Variants in AFF3 observed in about 807,000 individuals in gnomAD.
AFF3 encodes AF4/FMR2 family member 3.
In AFF3, 32 loss-of-function variants were observed where a neutral mutation model predicts 129.7. The ratio of observed to expected loss-of-function variants is 0.25; its 90% CI spans 0.19 to 0.33. The LOEUF (loss-of-function observed/expected upper bound fraction) is 0.33. Ranked by LOEUF, AFF3 falls within the 10% of genes least tolerant of loss-of-function variation. The probability of loss-of-function intolerance (pLI) is 1.00; values close to 1 mark genes in which losing one functional copy is unlikely to be tolerated. For synonymous variants in AFF3, 644 were observed against 635.4 expected, an observed-to-expected ratio of 1.01 and a Z score of -0.20; for missense variants, 1,373 against 1,592.0, an observed-to-expected ratio of 0.86 and a Z score of 2.34.
At chr2:99,681,938 G>A (rs1016993834) in intron 11 of AFF3, among the ~76,000 whole-genome samples, 5 of 134,394 alleles carry the variant, frequency 3.7e-5, no homozygotes, top group Non-Finnish European at 6.1e-5. Context: ...ACGGAGTCTC[G>A]TTCTGTCATC....
intron 7 of AFF3, among the ~76,000 whole-genome samples, chr2:99,838,157 C>T (rs1227334085): frequency 6.6e-6 from 1 of 152,160 alleles, no homozygotes; most frequent in African/African-American, 2.4e-5. Context: ...CAGGTCACAG[C>T]CGACTCTGGG....
intron 13 of AFF3, among the ~76,000 whole-genome samples, chr2:99,632,109 G>A (rs563151291): frequency 3.7e-5 from 5 of 136,962 alleles, no homozygotes; most frequent in Admixed American, 8.2e-5. Flanking sequence ...TCCACCTCCC[G>A]GGTTCAAGCA....
intron 11 of AFF3, among the ~76,000 whole-genome samples, chr2:99,708,107 A>G (rs1404568574): frequency 6.6e-6 from 1 of 152,164 alleles, no homozygotes; most frequent in Non-Finnish European, 1.5e-5. Context: ...ACACATTTAC[A>G]CTACAAATTA....
At chr2:100,131,397 C>A (rs1236125369) in intron 1 of AFF3, among the ~76,000 whole-genome samples, 1 of 152,136 alleles carries the variant, frequency 6.6e-6, no homozygotes, top group African/African-American at 2.4e-5. Flanking sequence ...CAAAGACTAC[C>A]ACACACCCCA....
At chr2:99,873,169 C>T (rs1692010637) in intron 7 of AFF3, among the ~76,000 whole-genome samples, 1 of 152,222 alleles carries the variant, frequency 6.6e-6, no homozygotes, top group Non-Finnish European at 1.5e-5. Flanking sequence ...AAAGCACATA[C>T]TCCACTGTTG....
At chr2:99,806,214 A>G (rs2105544580) in intron 8 of AFF3, among the ~76,000 whole-genome samples, 1 of 152,214 alleles carries the variant, frequency 6.6e-6, no homozygotes, top group Non-Finnish European at 1.5e-5. Flanking sequence ...AGCACTAATC[A>G]TCTTGTGAAT....
chr2:99,857,528 A>G (rs1576201764), intron 7 of AFF3, among the ~76,000 whole-genome samples: 1 of 152,218 alleles, frequency 6.6e-6, no homozygotes, highest in Non-Finnish European at 1.5e-5. Context: ...TTCTGTCAAG[A>G]GTTCATTAGA....
chr2:99,780,600 A>G (rs908514160), intron 8 of AFF3, among the ~76,000 whole-genome samples: 1 of 152,148 alleles, frequency 6.6e-6, no homozygotes, highest in Non-Finnish European at 1.5e-5. Flanking sequence ...TCTGAATAGA[A>G]CCCTAAGTGT....
intron 13 of AFF3, among the ~76,000 whole-genome samples, chr2:99,609,228 T>A (rs1382102538): frequency 6.6e-6 from 1 of 152,200 alleles, no homozygotes; most frequent in Non-Finnish European, 1.5e-5. Flanking sequence ...GTTTTTTTAA[T>A]TTTTTATTTC....
intron 2 of AFF3, chr2:100,112,583 C>T (rs891616397): frequency 6.6e-6 from 1 of 152,508 alleles, no homozygotes; most frequent in African/African-American, 2.4e-5. Context: ...CCCAGCTACT[C>T]AAGAGGCTGA....
chr2:100,107,425 G>A (rs1336855646), intron 2 of AFF3: 1 of 985,114 alleles, frequency 1.0e-6, no homozygotes, highest in African/African-American at 1.7e-5. Flanking sequence ...GACTTTTGGG[G>A]ATTAGAATGT....
At chr2:99,956,043 AAGC>A (rs963264633) in intron 7 of AFF3, among the ~76,000 whole-genome samples, 10 of 152,330 alleles carry the variant, frequency 6.6e-5, no homozygotes, top group African/African-American at 2.4e-4. Flanking sequence ...GGAAAAATAA[AAGC>A]AGAAAAACTG....
At chr2:99,727,334 A>AGTAG (rs1480822346) in intron 10 of AFF3, among the ~76,000 whole-genome samples, 1 of 152,226 alleles carries the variant, frequency 6.6e-6, no homozygotes, top group African/African-American at 2.4e-5. Context: ...CAAATCTGTG[A>AGTAG]GTAGGTACTG....
chr2:100,136,345 G>T (rs1352289641), intron 1 of AFF3, among the ~76,000 whole-genome samples: 1 of 152,180 alleles, frequency 6.6e-6, no homozygotes, highest in East Asian at 1.9e-4. Flanking sequence ...CACCCAAAAG[G>T]GAGGCCGAGA....
chr2:99,680,717 C>T (rs1435889416), intron 11 of AFF3, among the ~76,000 whole-genome samples: 5 of 152,114 alleles, frequency 3.3e-5, no homozygotes, highest in African/African-American at 9.7e-5. Flanking sequence ...TAACATACAT[C>T]AGGTTAAGAT....
intron 4 of AFF3, among the ~76,000 whole-genome samples, chr2:100,042,527 A>C (rs189022764): frequency 2.0e-5 from 3 of 152,356 alleles, no homozygotes; most frequent in African/African-American, 7.2e-5. Context: ...AGGTGGATAA[A>C]GCAAGTTACA....
intron 8 of AFF3, among the ~76,000 whole-genome samples, chr2:99,810,624 T>C (rs1388323861): frequency 6.6e-6 from 1 of 151,014 alleles, no homozygotes; most frequent in Non-Finnish European, 1.5e-5. Flanking sequence ...GTCTATCCAC[T>C]TTAGTTCAAG....
intron 7 of AFF3, among the ~76,000 whole-genome samples, chr2:99,940,704 T>C (rs540283251): frequency 6.6e-6 from 1 of 152,348 alleles, no homozygotes; most frequent in East Asian, 1.9e-4. Flanking sequence ...TCAGGGCTGC[T>C]CTGTCTATGG....
At chr2:99,937,997 T>G (rs1208923244) in intron 7 of AFF3, among the ~76,000 whole-genome samples, 1 of 152,178 alleles carries the variant, frequency 6.6e-6, no homozygotes, top group Non-Finnish European at 1.5e-5. Flanking sequence ...AAGAGATGAA[T>G]GTGGATCCTG....
Sources: allele counts gnomAD v4.1 joint callset (sites outside exome capture counted in the v4.1 genomes callset), GRCh38; gene constraint gnomAD v4.1.1; transcripts MANE v1.5; gene names NCBI Gene and HGNC (gene_info 2026-07-23, HGNC 2026-07-21).